SYT10: variants seen among roughly 807,000 people sequenced by gnomAD.
The protein encoded by SYT10 is synaptotagmin-10.
SYT10 carries 31 observed loss-of-function variants against 51.1 expected under a neutral mutation model. The ratio of observed to expected loss-of-function variants is 0.61; its 90% confidence interval spans 0.46 to 0.82. The LOEUF (loss-of-function observed/expected upper bound fraction) is 0.82. Ranked by LOEUF, SYT10 falls within the 40% of genes least tolerant of loss-of-function variation. The pLI is 0.00. For synonymous variants in SYT10, 233 were observed against 225.9 expected (o/e 1.03, Z -0.28); for missense variants, 603 against 634.0 (o/e 0.95, Z 0.53).
chr12:33,391,318 C>A (rs972364432), intron 3 of SYT10, among the ~76,000 whole-genome samples: 5 of 151,496 alleles, frequency 3.3e-5, no homozygotes, highest in African/African-American at 1.2e-4. Flanking sequence ...ATGGGAAGAG[C>A]GATGAAAGAT....
At chr12:33,382,036 A>G (rs1317790278) in intron 5 of SYT10, among the ~76,000 whole-genome samples, 2 of 152,162 alleles carry the variant, frequency 1.3e-5, no homozygotes, top group Non-Finnish European at 2.9e-5. Context: ...AGTTGGTAAA[A>G]CAAATTCTGT....
At chr12:33,383,295 T>C (rs1320929275) in intron 4 of SYT10, among the ~76,000 whole-genome samples, 1 of 94,942 alleles carries the variant, frequency 1.1e-5, no homozygotes, top group South Asian at 4.1e-4. Flanking sequence ...TGCTATCAAT[T>C]TTTTTTTCAT....
rs913638062 is a variant in SYT10, at chr12:33,374,962, C to A, written c.*1868G>T. 169 of 152,076 alleles carry A rather than the reference C, an allele frequency of 1.1e-3. No individual in the cohort carries two copies. The highest frequency in any genetic ancestry group is 3.9e-3 in the African/African-American group (163 of 41,540). The allele number at this position is 152,076 out of a possible 1,614,324, so 9.4% of individuals were successfully genotyped here. On this transcript the variant is annotated 3_prime_UTR_variant, in exon 7 of 7. Coordinates refer to ENST00000228567, the MANE Select transcript of SYT10 (RefSeq NM_198992.4). ...ATAAAACAACTGTCTCCAAAAATGT[C>A]ATTCTATTAATAGTATAACTTTTTG...
At chr12:33,422,115 A>G (rs1318611088) in intron 2 of SYT10, among the ~76,000 whole-genome samples, 1 of 152,096 alleles carries the variant, frequency 6.6e-6, no homozygotes, top group Non-Finnish European at 1.5e-5. Flanking sequence ...AAAAAAAAGC[A>G]ATATAGAAGT....
intron 4 of SYT10, 118 bp from the exon 5 acceptor site, chr12:33,382,638 A>C: frequency 1.2e-6 from 1 of 847,100 alleles, no homozygotes; most frequent in African/African-American, 1.8e-5. Flanking sequence ...TAAGACCTTT[A>C]GTATTACCAA....
chr12:33,396,103 C>G (rs1418627214), intron 3 of SYT10, among the ~76,000 whole-genome samples: 1 of 152,146 alleles, frequency 6.6e-6, no homozygotes, highest in African/African-American at 2.4e-5. Context: ...ATTATATGAT[C>G]TAGACATGAG....
intron 5 of SYT10, among the ~76,000 whole-genome samples, chr12:33,381,633 G>A (rs1047625619): frequency 2.0e-5 from 3 of 152,146 alleles, no homozygotes; most frequent in African/African-American, 7.2e-5. Context: ...AGGCTGTGGG[G>A]TGTTGGTGGG....
chr12:33,383,364 C>T lies in SYT10; in HGVS notation c.1199-844G>A, dbSNP rs1378619078. ...CTTTTTTCCTATTTCCATAGTATTA[C>T]ATTTTATTTCCATAGAATAAACCAA... On this transcript the variant is annotated intron_variant, in intron 4 of 6. Coordinates refer to ENST00000228567, the MANE Select transcript of SYT10 (RefSeq NM_198992.4). 4.6e-5 allele frequency among the ~76,000 whole-genome samples: 7 copies of T among 152,050 alleles called. No individual in the cohort carries two copies. In the East Asian group the frequency reaches 1.4e-3, roughly 29 times the overall value.
chr12:33,406,698 G>T, intron 3 of SYT10, 91 bp downstream of exon 3: 1 of 1,113,414 alleles, frequency 9.0e-7, no homozygotes, highest in East Asian at 2.5e-5. Flanking sequence ...CCATAACTCT[G>T]CAAGGCTTAT....
intron 1 of SYT10, among the ~76,000 whole-genome samples, chr12:33,437,995 G>C (rs1271928203): frequency 6.6e-6 from 1 of 152,046 alleles, no homozygotes; most frequent in Non-Finnish European, 1.5e-5. Context: ...TTCAAGCTCT[G>C]CCAAGTGCAG....
intron 2 of SYT10, among the ~76,000 whole-genome samples, chr12:33,417,422 C>T (rs1866464069): frequency 6.6e-6 from 1 of 152,196 alleles, no homozygotes; most frequent in African/African-American, 2.4e-5. Context: ...GCAGAGTCCT[C>T]ACCGGCAAGA....
intron 3 of SYT10, among the ~76,000 whole-genome samples, chr12:33,391,252 A>AT (rs770781870): frequency 1.1e-3 from 167 of 147,518 alleles, no homozygotes; most frequent in Non-Finnish European, 1.5e-3. Context: ...ATTTTATTTT[A>AT]TTTTTTTTTA....
At chr12:33,381,297 C>G (rs188436419) in intron 5 of SYT10, among the ~76,000 whole-genome samples, 8 of 151,984 alleles carry the variant, frequency 5.3e-5, no homozygotes, top group Admixed American at 1.3e-4. Context: ...TGTTTCCCCC[C>G]CTAGCTCTAA....
intron 5 of SYT10, among the ~76,000 whole-genome samples, chr12:33,380,798 A>G (rs971483073): frequency 1.3e-5 from 2 of 152,186 alleles, no homozygotes; most frequent in Admixed American, 6.5e-5. Context: ...TTGGCTCAAG[A>G]GCACTTGTGG....
intron 2 of SYT10, among the ~76,000 whole-genome samples, chr12:33,412,273 G>T (rs1161350099): frequency 6.6e-6 from 1 of 152,048 alleles, no homozygotes; most frequent in East Asian, 1.9e-4. Flanking sequence ...TTTTGTTCTA[G>T]TAAGTCAGTG....
chr12:33,431,985 T>C (rs1191673344), intron 1 of SYT10, among the ~76,000 whole-genome samples: 1 of 152,126 alleles, frequency 6.6e-6, no homozygotes, highest in African/African-American at 2.4e-5. Flanking sequence ...TGATAATGTG[T>C]GGAAAAACAA....
chr12:33,394,219 C>T (rs184601639), intron 3 of SYT10, among the ~76,000 whole-genome samples: 8 of 152,290 alleles, frequency 5.3e-5, no homozygotes, highest in African/African-American at 1.7e-4. Flanking sequence ...AATCTAAAAG[C>T]ACTGTAAAAG....
At chr12:33,377,547 G>A (rs11052659) in intron 6 of SYT10, among the ~76,000 whole-genome samples, 46,953 of 151,802 alleles carry the variant, frequency 0.31, 8,793 homozygotes, top group African/African-American at 0.52. Flanking sequence ...ATCCTTAAAT[G>A]CCTGTATGTA....
intron 3 of SYT10, among the ~76,000 whole-genome samples, chr12:33,400,538 T>C (rs1866294016): frequency 6.6e-6 from 1 of 151,338 alleles, no homozygotes; most frequent in East Asian, 2.0e-4. Flanking sequence ...GCAACTTCCT[T>C]ACTTGCAAGA....
Sources: gnomAD v4.1 joint callset for allele counts (sites outside exome capture counted in the v4.1 genomes callset) on GRCh38, gnomAD v4.1.1 for gene constraint, MANE v1.5 for transcripts, NCBI Gene and HGNC (gene_info 2026-07-23, HGNC 2026-07-21) for gene names.